Variants in NCOR1 observed in about 807,000 individuals in gnomAD.
NCOR1 encodes the protein nuclear receptor corepressor 1, also known as protein phosphatase 1, regulatory subunit 109.
NCOR1 carries 63 observed loss-of-function variants against 288.1 expected under a neutral mutation model. The observed-to-expected ratio is 0.22, with a 90% CI of 0.18 to 0.27. The LOEUF (loss-of-function observed/expected upper bound fraction) is 0.27. Among genes scored for constraint, NCOR1 ranks in the 10% least tolerant of loss-of-function variants. The probability of loss-of-function intolerance (pLI) is 1.00; values close to 1 mark genes in which losing one functional copy is unlikely to be tolerated. For missense variants in NCOR1, 2,397 were observed against 3,019.2 expected (o/e 0.79, Z 4.83); for synonymous variants, 1,007 against 1,065.9 (o/e 0.94, Z 1.08).
chr17:16,073,388 A>G (rs940791041), intron 28 of NCOR1, 41 bp downstream of exon 28: 2 of 1,510,912 alleles, frequency 1.3e-6, no homozygotes, highest in Admixed American at 2.2e-5. Context: ...ACTATATAAA[A>G]TAACATGTAT....
intron 27 of NCOR1, among the ~76,000 whole-genome samples, chr17:16,073,878 G>C (rs1377351810): frequency 6.6e-6 from 1 of 152,188 alleles, no homozygotes; most frequent in Non-Finnish European, 1.5e-5. Flanking sequence ...GAAAGGAGAA[G>C]TATAATGTGC....
chr17:16,057,315 T>C (rs1177149892), intron 40 of NCOR1, 199 bp downstream of exon 40: 7 of 586,132 alleles, frequency 1.2e-5, no homozygotes, highest in Non-Finnish European at 1.8e-5. Flanking sequence ...TGAATATACA[T>C]TAAAAAGTCA....
At position 16,214,520 on chromosome 17, in the gene NCOR1, T is replaced by C. The variant is rs550694677; in HGVS notation, c.-71+842A>G. Reference sequence around the variant, plus strand: ...AGGTTTACATACTAATCCCAAAGATTAGAATTACCTATACTACTACTCTCC... The same window carrying C: ...AGGTTTACATACTAATCCCAAAGATCAGAATTACCTATACTACTACTCTCC... On this transcript the variant is annotated intron_variant, in intron 1 of 45. Transcript: ENST00000268712. Among the ~76,000 whole-genome samples the C allele has an allele frequency of 2.2e-4, 34 of 152,314 alleles. No homozygotes were observed. The South Asian group carries it at 4.1e-3, about 19-fold the overall frequency.
At chr17:16,044,973 C>T (rs1018234953) in intron 42 of NCOR1, 10 of 520,346 alleles carry the variant, frequency 1.9e-5, no homozygotes, top group South Asian at 1.4e-4. Context: ...TTTCTTATAA[C>T]GTGTTCAATA....
intron 3 of NCOR1, among the ~76,000 whole-genome samples, chr17:16,185,133 C>T (rs1271440017): frequency 1.3e-5 from 2 of 151,148 alleles, no homozygotes; most frequent in Non-Finnish European, 2.9e-5. Flanking sequence ...GTAGCAGACA[C>T]ATAGAATGAA....
chr17:16,033,397 C>T (rs1052204133), intron 45 of NCOR1, among the ~76,000 whole-genome samples: 1 of 149,162 alleles, frequency 6.7e-6, no homozygotes. Context: ...AATAATAAAT[C>T]TCATGTATGG....
intron 3 of NCOR1, among the ~76,000 whole-genome samples, chr17:16,173,631 A>C (rs1951770954): frequency 6.6e-6 from 1 of 152,144 alleles, no homozygotes; most frequent in Admixed American, 6.5e-5. Context: ...CATGAAACTT[A>C]AAAAACAATA....
intron 3 of NCOR1, among the ~76,000 whole-genome samples, chr17:16,174,137 G>A (rs1441673533): frequency 6.6e-6 from 1 of 152,104 alleles, no homozygotes; most frequent in Middle Eastern, 3.2e-3. Flanking sequence ...AGCAACCTGT[G>A]GATTCAATGT....
chr17:16,196,818 C>CT (rs1163089483), intron 1 of NCOR1, among the ~76,000 whole-genome samples: 172 of 121,748 alleles, frequency 1.4e-3, no homozygotes, highest in African/African-American at 5.1e-3. Flanking sequence ...GAGCAAGACT[C>CT]TGTCTCAAAA....
chr17:16,131,820 T>C (rs1317899690), intron 14 of NCOR1, among the ~76,000 whole-genome samples: 2 of 152,158 alleles, frequency 1.3e-5, no homozygotes, highest in African/African-American at 4.8e-5. Flanking sequence ...GTGGCTACCA[T>C]TTATTGGGCA....
At chr17:16,136,997 T>C (rs1240905892) in intron 14 of NCOR1, among the ~76,000 whole-genome samples, 1 of 152,074 alleles carries the variant, frequency 6.6e-6, no homozygotes, top group Non-Finnish European at 1.5e-5. Context: ...GATAGTGTAT[T>C]AAAAGTATTA....
intron 45 of NCOR1, among the ~76,000 whole-genome samples, chr17:16,033,652 G>GTGTTA (rs1555534802): frequency 1.3e-5 from 2 of 151,460 alleles, no homozygotes; most frequent in Non-Finnish European, 2.9e-5. Context: ...TAATATCCCA[G>GTGTTA]TTTTAAAAGT....
Position 16,064,108 on chromosome 17 carries a change from TTCCCGC to T in NCOR1, c.5175_5180del (p.Glu1727_Arg1728del). 1 of 1,614,050 alleles carries T rather than the reference TTCCCGC, an allele frequency of 6.2e-7. No individual in the cohort carries two copies. The highest frequency in any genetic ancestry group is 8.5e-7 in the Non-Finnish European group (1 of 1,179,978). On this transcript the variant is annotated inframe_deletion, in exon 35 of 46. Transcript: ENST00000268712. ...GGTCGGAGGAAGCTGCAGCAATCCG[TTCCCGC>T]TCCCGCTCCTTCTCCCGCTCCCGTT...
At chr17:16,166,388 A>G (rs1472377567) in intron 4 of NCOR1, among the ~76,000 whole-genome samples, 2 of 152,192 alleles carry the variant, frequency 1.3e-5, no homozygotes, top group African/African-American at 2.4e-5. Flanking sequence ...TCATCTAAAT[A>G]AAATATCAGT....
rs2061616269 is a variant in NCOR1, at chr17:16,070,456, T to G, written c.4222A>C (p.Thr1408Pro). Residue 1408 changes from threonine (T) to proline (P), a missense_variant, in exon 31 of 46, where the codon ACG becomes CCG. Coordinates refer to ENST00000268712, the MANE Select transcript of NCOR1 (RefSeq NM_006311.4). ...AIKHNVKSLI[T>P]GPSKLSRGMP... ...CCACGGGATAGTTTGCTAGGCCCCGTGATTAAGGATTTGACATTGTGTTTG... is the reference window on the plus strand; with the variant it reads ...CCACGGGATAGTTTGCTAGGCCCCGGGATTAAGGATTTGACATTGTGTTTG... 2 of 1,614,212 alleles carry G rather than the reference T, an allele frequency of 1.2e-6. No individual in the cohort carries two copies. The highest frequency in any genetic ancestry group is 2.2e-5 in the South Asian group (2 of 91,080).
intron 4 of NCOR1, 105 bp downstream of exon 4, chr17:16,171,698 T>A (rs1300670991): frequency 3.7e-6 from 4 of 1,082,598 alleles, no homozygotes; most frequent in Non-Finnish European, 5.0e-6. Context: ...CCACTAACCT[T>A]TAGAGACTGG....
intron 26 of NCOR1, among the ~76,000 whole-genome samples, chr17:16,078,015 A>C (rs534158296): frequency 1.3e-5 from 2 of 152,328 alleles, no homozygotes; most frequent in African/African-American, 4.8e-5. Context: ...GATTCAGTTT[A>C]GGTCAGGTTA....
intron 42 of NCOR1, 154 bp from the exon 43 acceptor site, chr17:16,040,648 ATTT>A: frequency 1.7e-5 from 11 of 635,554 alleles, no homozygotes; most frequent in East Asian, 1.3e-4. Flanking sequence ...AAATGGAAGT[ATTT>A]TTTTTTTTTG....
chr17:16,158,165 G>C (rs2080129214), intron 6 of NCOR1, among the ~76,000 whole-genome samples: 1 of 152,072 alleles, frequency 6.6e-6, no homozygotes, highest in Non-Finnish European at 1.5e-5. Context: ...GTAGAGACAG[G>C]GTTTCTCCAT....
Sources: allele counts gnomAD v4.1 joint callset (sites outside exome capture counted in the v4.1 genomes callset), GRCh38; gene constraint gnomAD v4.1.1; transcripts MANE v1.5; gene names NCBI Gene and HGNC (gene_info 2026-07-23, HGNC 2026-07-21).